Variants in NAA16 observed in about 807,000 individuals in gnomAD.
The protein encoded by NAA16 is N-alpha-acetyltransferase 16, NatA auxiliary subunit, also known as NARG1-like protein.
In NAA16, 97 loss-of-function variants were observed where a neutral mutation model predicts 110.3. That is an observed-to-expected ratio of 0.88 (90% CI 0.75 to 1.04). NAA16 has a LOEUF of 1.04. Among genes scored for constraint, NAA16 ranks in the 50% least tolerant of loss-of-function variants. NAA16 has a pLI of 0.00. For missense variants in NAA16, 1,017 were observed against 1,005.1 expected, an observed-to-expected ratio of 1.01 and a Z score of -0.16; for synonymous variants, 372 against 330.6, an observed-to-expected ratio of 1.13 and a Z score of -1.36.
intron 5 of NAA16, among the ~76,000 whole-genome samples, chr13:41,323,809 A>C (rs2042012742): frequency 6.6e-6 from 1 of 152,114 alleles, no homozygotes; most frequent in South Asian, 2.1e-4. Flanking sequence ...AGAATATTCT[A>C]CATGTGGATT....
chr13:41,369,454 G>A (rs2043273077), intron 15 of NAA16, among the ~76,000 whole-genome samples, 171 bp downstream of exon 15: 1 of 152,170 alleles, frequency 6.6e-6, no homozygotes, highest in African/African-American at 2.4e-5. Context: ...TTTGGCTAAT[G>A]CAAGTTATAC....
At chr13:41,312,074 T>A (rs977523110) in intron 1 of NAA16, among the ~76,000 whole-genome samples, 4 of 152,250 alleles carry the variant, frequency 2.6e-5, no homozygotes, top group Non-Finnish European at 5.9e-5. Context: ...GTGGAATTTT[T>A]CCTGGTTACG....
chr13:41,336,541 T>C (rs1003278454), intron 8 of NAA16, 109 bp from the exon 9 acceptor site: 4 of 615,342 alleles, frequency 6.5e-6, no homozygotes, highest in African/African-American at 5.7e-5. Context: ...GGTTTATAAA[T>C]TGGATAGGAG....
chr13:41,321,130 G>T (rs74922337), intron 4 of NAA16, among the ~76,000 whole-genome samples: 8,025 of 152,022 alleles, frequency 0.053, 283 homozygotes, highest in Non-Finnish European at 0.074. Flanking sequence ...GCCAGACTCC[G>T]TCTCTACAAA....
At chr13:41,316,133 CTGTT>C (rs1279260485) in intron 1 of NAA16, among the ~76,000 whole-genome samples, 3 of 151,784 alleles carry the variant, frequency 2.0e-5, no homozygotes, top group East Asian at 1.9e-4. Context: ...TCATTTTTTT[CTGTT>C]TGTTTGTTTT....
chr13:41,351,076 C>T (rs2042823582), intron 9 of NAA16, among the ~76,000 whole-genome samples: 1 of 152,138 alleles, frequency 6.6e-6, no homozygotes, highest in Non-Finnish European at 1.5e-5. Flanking sequence ...TCCAGGTTTG[C>T]CTAGGCTGGT....
At chr13:41,326,110 A>C (rs1485900282) in intron 6 of NAA16, among the ~76,000 whole-genome samples, 1 of 152,164 alleles carries the variant, frequency 6.6e-6, no homozygotes, top group Non-Finnish European at 1.5e-5. Context: ...GCTGGATTTG[A>C]ATCCAGATTT....
In NAA16 at chr13:41,375,527, T is replaced by A. The variant is rs919018104; in HGVS notation, c.2520T>A (p.Ala840=). The A allele has an allele frequency of 6.2e-7, 1 of 1,614,132 alleles. No homozygotes were observed. Among genetic ancestry groups the A allele is most frequent in the East Asian group, 2.2e-5 (1 of 44,874 alleles). The change falls in exon 20 of 20, where the codon GCT becomes GCA. Residue 840 remains alanine (A), a synonymous_variant. Coordinates refer to ENST00000379406, the MANE Select transcript of NAA16 (RefSeq NM_024561.5). ...CTTTTACATCTGCCTTCTTGCCTGC[T>A]GTGAATGAAGTCGACAATCCTAATG... ...LLPFTSAFLP[A]VNEVDNPNVA... is the part of the protein sequence containing the mutation.
chr13:41,336,053 GTATT>G (rs1362952378), intron 8 of NAA16, among the ~76,000 whole-genome samples: 1 of 151,936 alleles, frequency 6.6e-6, no homozygotes. Flanking sequence ...TGCAAATAGG[GTATT>G]TATTTAGTTG....
intron 19 of NAA16, 80 bp downstream of exon 19, chr13:41,374,919 GGCCTTCAGAATTAT>G: frequency 1.2e-6 from 1 of 817,364 alleles, no homozygotes; most frequent in Non-Finnish European, 2.0e-6. Context: ...TTCTTGAGTA[GGCCTTCAGAATTAT>G]GCCTGGATGT....
rs952563224 is a variant in NAA16 at position 41,328,994 on chromosome 13, T to C, written c.811+151T>C. ...TATAGGTTAAACATGGGAGTAAAAATGAATTCAAATAGTTACACTTAAGTG... is the reference window on the plus strand; with the variant it reads ...TATAGGTTAAACATGGGAGTAAAAACGAATTCAAATAGTTACACTTAAGTG... On this transcript the variant is annotated intron_variant, in intron 7 of 19. Coordinates refer to ENST00000379406, the MANE Select transcript of NAA16 (RefSeq NM_024561.5). The C allele has an allele frequency of 1.2e-5, 8 of 642,368 alleles. No homozygotes were observed. In the African/African-American group the frequency reaches 1.5e-4, roughly 12 times the overall value. The allele number at this position is 642,368 out of a possible 1,614,324, so 39.8% of individuals were successfully genotyped here.
At chr13:41,336,400 T>C (rs1322507062) in intron 8 of NAA16, among the ~76,000 whole-genome samples, 1 of 152,194 alleles carries the variant, frequency 6.6e-6, no homozygotes, top group Non-Finnish European at 1.5e-5. Flanking sequence ...CAGAGTGCTT[T>C]ATGCATATCT....
chr13:41,328,865 C>CT, intron 7 of NAA16, 22 bp downstream of exon 7: 1 of 1,570,022 alleles, frequency 6.4e-7, no homozygotes, highest in Non-Finnish European at 8.7e-7. Context: ...TTTTTCTCCT[C>CT]TTTCTCATAA....
intron 4 of NAA16, among the ~76,000 whole-genome samples, chr13:41,321,868 C>T (rs950845461): frequency 1.3e-5 from 2 of 152,128 alleles, no homozygotes; most frequent in African/African-American, 4.8e-5. Context: ...GCCATATAAG[C>T]CCTCATACCC....
rs148025210 is a variant in NAA16, at chr13:41,351,891, A to C, written c.1015-3253A>C. ...GAGGCAAAACACCATTTTAAAGAAG[A>C]ATAGCTATTACATATTAATTTGTCA... is the stretch of plus-strand genomic sequence containing the variant. On this transcript the variant is annotated intron_variant, in intron 9 of 19. Coordinates refer to ENST00000379406, the MANE Select transcript of NAA16 (RefSeq NM_024561.5). 1.2e-3 allele frequency among the ~76,000 whole-genome samples: 189 copies of C among 152,358 alleles called. 1 individual carries two copies. The highest frequency in any genetic ancestry group is 3.7e-3 in the African/African-American group (154 of 41,588).
chr13:41,320,926 T>A, intron 4 of NAA16, 102 bp downstream of exon 4: 1 of 1,033,048 alleles, frequency 9.7e-7, no homozygotes, highest in South Asian at 1.7e-5. Flanking sequence ...CAAGTAGATT[T>A]GATTGTTCAT....
At chr13:41,369,992 T>A (rs567642434) in intron 15 of NAA16, among the ~76,000 whole-genome samples, 2 of 152,342 alleles carry the variant, frequency 1.3e-5, no homozygotes, top group South Asian at 4.1e-4. Context: ...ACATATGGAA[T>A]CATTTTACCT....
Position 41,318,800 on chromosome 13 carries a change from T to C in NAA16, c.140-6T>C. On this transcript the variant is annotated splice_polypyrimidine_tract_variant and splice_region_variant and intron_variant, in intron 2 of 19. Coordinates refer to ENST00000379406, the MANE Select transcript of NAA16 (RefSeq NM_024561.5). ...TTGTAAATAGAGTTTAAAAATTATTTTTCAGAGACTTTGGCTATGAAAGGA... is the reference window on the plus strand; with the variant it reads ...TTGTAAATAGAGTTTAAAAATTATTCTTCAGAGACTTTGGCTATGAAAGGA... 1 of 1,507,280 alleles carries C rather than the reference T, an allele frequency of 6.6e-7. No homozygotes were observed. Among genetic ancestry groups the C allele is most frequent in the Non-Finnish European group, 9.0e-7 (1 of 1,117,196 alleles). The allele number at this position is 1,507,280 out of a possible 1,614,324, so 93.4% of individuals were successfully genotyped here.
At chr13:41,362,843 C>T (rs544508382) in intron 13 of NAA16, 67 of 1,288,832 alleles carry the variant, frequency 5.2e-5, no homozygotes, top group Middle Eastern at 2.2e-4. Flanking sequence ...CCCATCCTGA[C>T]GCAGTATAGA....
Sources: gnomAD v4.1 joint callset for allele counts (sites outside exome capture counted in the v4.1 genomes callset) on GRCh38, gnomAD v4.1.1 for gene constraint, MANE v1.5 for transcripts, NCBI Gene and HGNC (gene_info 2026-07-23, HGNC 2026-07-21) for gene names.